The following TAFA2 variants were observed in gnomAD, a reference collection of about 807,000 sequenced individuals.
TAFA2 encodes TAFA chemokine like family member 2, also known as chemokine-like protein TAFA-2.
In TAFA2, 7 loss-of-function variants were observed where a neutral mutation model predicts 18.8. The ratio of observed to expected loss-of-function variants is 0.37; its 90% CI spans 0.21 to 0.70. The LOEUF (loss-of-function observed/expected upper bound fraction) is 0.70. TAFA2 is among the 30% of genes least tolerant of loss of function. The probability of loss-of-function intolerance (pLI) is 0.53; values close to 1 mark genes in which losing one functional copy is unlikely to be tolerated. For missense variants in TAFA2, 122 were observed against 158.1 expected (o/e 0.77, Z 1.23); for synonymous variants, 60 against 54.2 (o/e 1.11, Z -0.47).
chr12:62,239,019 T>A (rs2062850270), intron 1 of TAFA2, among the ~76,000 whole-genome samples: 1 of 152,224 alleles, frequency 6.6e-6, no homozygotes, highest in African/African-American at 2.4e-5. Context: ...ACAAAACTTT[T>A]TCCAAATTCC....
At chr12:62,249,038 C>T (rs1230058286) in intron 1 of TAFA2, among the ~76,000 whole-genome samples, 1 of 152,058 alleles carries the variant, frequency 6.6e-6, no homozygotes, top group African/African-American at 2.4e-5. Flanking sequence ...TCCCCCACAC[C>T]CATGCCCCAG....
intron 1 of TAFA2, among the ~76,000 whole-genome samples, chr12:62,033,563 C>A (rs1418982255): frequency 1.3e-5 from 2 of 152,134 alleles, no homozygotes; most frequent in Admixed American, 1.3e-4. Context: ...ATTCTCTATC[C>A]ATCCCTAATT....
intron 1 of TAFA2, among the ~76,000 whole-genome samples, chr12:62,129,022 C>A (rs1048998887): frequency 6.6e-6 from 1 of 152,032 alleles, no homozygotes; most frequent in African/African-American, 2.4e-5. Context: ...TTATTTACTG[C>A]TCTAGCCTGA....
intron 1 of TAFA2, among the ~76,000 whole-genome samples, chr12:61,870,774 C>G (rs1874565482): frequency 6.6e-6 from 1 of 152,160 alleles, no homozygotes; most frequent in Admixed American, 6.6e-5. Flanking sequence ...CTTCTACTCA[C>G]TAGTAGAAGG....
Position 61,992,478 on chromosome 12 carries a change from G to A in TAFA2, c.-1-125052C>T, listed in dbSNP as rs568776308. Among the ~76,000 whole-genome samples the A allele has an allele frequency of 2.6e-5, 4 of 152,096 alleles. No homozygotes were observed. In the South Asian group the frequency reaches 8.3e-4, roughly 32 times the overall value. On this transcript the variant is annotated intron_variant, in intron 1 of 4. Transcript: ENST00000416284. ...TCTTTGCCTCTCACTTGGACTTCTT[G>A]CAAGAACATCCCTGCTTCTGCCCTG...
rs369436431 is a variant in TAFA2 at position 61,872,910 on chromosome 12, T to C, written c.-1-5484A>G. 2.6e-5 allele frequency among the ~76,000 whole-genome samples: 4 copies of C among 152,192 alleles called. No individual in the cohort carries two copies. In the South Asian group the frequency reaches 8.3e-4, roughly 31 times the overall value. The stretch of plus-strand genomic sequence containing the variant: ...AATAGCCTGTAGCATTTTCTCTATT[T>C]ATTCTAATCTAAAATTATTCTATTC... On this transcript the variant is annotated intron_variant, in intron 1 of 4. Transcript: ENST00000416284.
intron 1 of TAFA2, among the ~76,000 whole-genome samples, chr12:62,228,014 T>C (rs189481061): frequency 8.5e-4 from 129 of 152,366 alleles, no homozygotes; most frequent in African/African-American, 2.1e-3. Context: ...ACTATGGCTT[T>C]GTAGTGTATA....
chr12:61,773,679 C>T (rs919099248), intron 2 of TAFA2, among the ~76,000 whole-genome samples: 3 of 151,968 alleles, frequency 2.0e-5, no homozygotes, highest in African/African-American at 7.2e-5. Flanking sequence ...GGATCCTCAT[C>T]TCTCACCTTA....
intron 1 of TAFA2, among the ~76,000 whole-genome samples, chr12:61,920,855 A>T (rs908094237): frequency 7.1e-6 from 1 of 141,758 alleles, no homozygotes; most frequent in Non-Finnish European, 1.5e-5. Flanking sequence ...CTCTGGGGAG[A>T]AAAAAAAAAG....
chr12:61,968,787 G>A (rs1879150642), intron 1 of TAFA2, among the ~76,000 whole-genome samples: 1 of 151,632 alleles, frequency 6.6e-6, no homozygotes, highest in East Asian at 1.9e-4. Context: ...AAGATAAGTA[G>A]AAACTTGCCC....
chr12:61,715,847 G>T (rs547231344), intron 4 of TAFA2, among the ~76,000 whole-genome samples: 1 of 151,968 alleles, frequency 6.6e-6, no homozygotes, highest in East Asian at 1.9e-4. Context: ...AGCCCAAGAG[G>T]TCATGTCTAT....
intron 1 of TAFA2, among the ~76,000 whole-genome samples, chr12:61,962,905 C>G (rs1878938689): frequency 1.3e-5 from 2 of 151,666 alleles, no homozygotes; most frequent in African/African-American, 4.8e-5. Context: ...CCCTAGCCCC[C>G]CACCAGCCAA....
Position 61,910,894 on chromosome 12 carries a change from T to C in TAFA2, c.-1-43468A>G, listed in dbSNP as rs116658452. 8.2e-3 allele frequency among the ~76,000 whole-genome samples: 1,253 copies of C among 152,312 alleles called. 10 individuals are homozygous for C. Among genetic ancestry groups the C allele is most frequent in the African/African-American group, 0.027 (1,135 of 41,560 alleles). ...TTCTTCAAAGCTCTAACACTGCCAATGATTTGGACAACTCTATTTTAGGAG... is the reference window on the plus strand; with the variant it reads ...TTCTTCAAAGCTCTAACACTGCCAACGATTTGGACAACTCTATTTTAGGAG... On this transcript the variant is annotated intron_variant, in intron 1 of 4. Transcript: ENST00000416284.
At chr12:61,765,731 A>T (rs753180038) in intron 2 of TAFA2, among the ~76,000 whole-genome samples, 13 of 152,116 alleles carry the variant, frequency 8.5e-5, no homozygotes, top group Admixed American at 1.3e-4. Flanking sequence ...TATTATGGAG[A>T]GTAATAACAT....
chr12:62,250,637 C>G (rs2062908691), intron 1 of TAFA2, among the ~76,000 whole-genome samples: 1 of 151,810 alleles, frequency 6.6e-6, no homozygotes, highest in Non-Finnish European at 1.5e-5. Flanking sequence ...ATTTTTTATT[C>G]TGGAACTCCT....
chr12:61,940,420 A>G (rs1877952767), intron 1 of TAFA2, among the ~76,000 whole-genome samples: 1 of 152,238 alleles, frequency 6.6e-6, no homozygotes, highest in Non-Finnish European at 1.5e-5. Flanking sequence ...GGGCTTCAAC[A>G]TGACATTACA....
chr12:61,941,884 C>A (rs896379623), intron 1 of TAFA2, among the ~76,000 whole-genome samples: 8 of 152,076 alleles, frequency 5.3e-5, no homozygotes, highest in African/African-American at 1.7e-4. Flanking sequence ...GGAGGGGCGC[C>A]CGCCATTGCC....
In TAFA2 at chr12:62,248,292, T is replaced by C. The variant is rs562420684; in HGVS notation, c.-130+10471A>G. 8.1e-4 allele frequency among the ~76,000 whole-genome samples: 124 copies of C among 152,344 alleles called. 1 individual carries two copies. Among genetic ancestry groups the C allele is most frequent in the African/African-American group, 2.6e-3 (107 of 41,576 alleles). On this transcript the variant is annotated intron_variant, in intron 1 of 5. Transcript: ENST00000551619. ...TGATTTATTTCCCTTACTAGGCATG[T>C]GTTAAGGGACAGAATGTCTTTGAAC... is the stretch of plus-strand genomic sequence containing the variant.
chr12:61,838,895 T>C (rs1873049933), intron 2 of TAFA2, among the ~76,000 whole-genome samples: 1 of 152,092 alleles, frequency 6.6e-6, no homozygotes, highest in South Asian at 2.1e-4. Context: ...TGGCATCTAA[T>C]TGGTTGAAAC....
Sources: gnomAD v4.1 joint callset for allele counts (sites outside exome capture counted in the v4.1 genomes callset) on GRCh38, gnomAD v4.1.1 for gene constraint, MANE v1.5 for transcripts, NCBI Gene and HGNC (gene_info 2026-07-23, HGNC 2026-07-21) for gene names.